Variants in EPHA6 observed in about 807,000 individuals in gnomAD.
EPHA6 encodes EPH receptor A6, also known as ephrin type-A receptor 6.
In EPHA6, 50 loss-of-function variants were observed where a neutral mutation model predicts 112.0. The ratio of observed to expected loss-of-function variants is 0.45; its 90% confidence interval spans 0.36 to 0.56. The LOEUF is 0.56. EPHA6 is among the 20% of genes least tolerant of loss of function. The pLI, the probability that EPHA6 is intolerant of heterozygous loss-of-function variation, is 0.00. For synonymous variants in EPHA6, 529 were observed against 490.7 expected, an observed-to-expected ratio of 1.08 and a Z score of -1.03; for missense variants, 1,280 against 1,417.4, an observed-to-expected ratio of 0.90 and a Z score of 1.56.
At chr3:97,260,214 A>T (rs1489196988) in intron 5 of EPHA6, among the ~76,000 whole-genome samples, 1 of 152,238 alleles carries the variant, frequency 6.6e-6, no homozygotes, top group Admixed American at 6.5e-5. Context: ...GTGGAGCTTT[A>T]CCCTAAAGGA....
At chr3:96,937,392 G>A (rs2040651868) in intron 2 of EPHA6, among the ~76,000 whole-genome samples, 1 of 152,076 alleles carries the variant, frequency 6.6e-6, no homozygotes, top group South Asian at 2.1e-4. Flanking sequence ...TTTTTTGGCT[G>A]CATAAATGTC....
Position 96,814,721 on chromosome 3 carries a change from C to A in EPHA6, c.98C>A (p.Pro33His). The change falls in exon 1 of 18, where the codon CCC becomes CAC. Residue 33 changes from proline (P) to histidine (H), a missense_variant. Pro to His is a moderately conservative substitution (Grantham distance 77). Coordinates refer to ENST00000389672, the MANE Select transcript of EPHA6 (RefSeq NM_001080448.3). The stretch of plus-strand genomic sequence containing the variant: ...GCACCTGCAACTGGGCAGCCTGGAC[C>A]CTCGTGCCCTGTTCCCGGGACCTCG... The part of the protein sequence containing the change: ...AAAPATGQPG[P>H]SCPVPGTSRR... The A allele has an allele frequency of 6.5e-7, 1 of 1,546,590 alleles. No individual in the cohort carries two copies. Among genetic ancestry groups the A allele is most frequent in the Non-Finnish European group, 8.7e-7 (1 of 1,145,832 alleles).
At chr3:97,280,374 ATAT>A (rs1378644666) in intron 5 of EPHA6, among the ~76,000 whole-genome samples, 2 of 152,208 alleles carry the variant, frequency 1.3e-5, no homozygotes, top group Non-Finnish European at 2.9e-5. Context: ...TGCTCAAATA[ATAT>A]TATTATTGCT....
chr3:96,897,285 A>G (rs1231268621), intron 2 of EPHA6, among the ~76,000 whole-genome samples: 3 of 151,850 alleles, frequency 2.0e-5, no homozygotes, highest in African/African-American at 7.3e-5. Flanking sequence ...TGATCTTGCC[A>G]TGTGTCTATT....
At chr3:97,039,977 A>G (rs2045256158) in intron 3 of EPHA6, among the ~76,000 whole-genome samples, 1 of 151,946 alleles carries the variant, frequency 6.6e-6, no homozygotes, top group Non-Finnish European at 1.5e-5. Flanking sequence ...TTAAAACTGG[A>G]CCTATCATCC....
intron 5 of EPHA6, among the ~76,000 whole-genome samples, chr3:97,399,510 A>G (rs1577242708): frequency 6.6e-6 from 1 of 151,646 alleles, no homozygotes; most frequent in Non-Finnish European, 1.5e-5. Flanking sequence ...AAAAGCCTCC[A>G]TACTATTTTT....
chr3:97,677,729 A>G (rs1426947832), intron 14 of EPHA6, among the ~76,000 whole-genome samples: 2 of 151,070 alleles, frequency 1.3e-5, no homozygotes, highest in Non-Finnish European at 3.0e-5. Flanking sequence ...CTTAAAAAAA[A>G]AAAAAAAAAA....
intron 5 of EPHA6, among the ~76,000 whole-genome samples, chr3:97,391,017 A>G (rs1263860880): frequency 1.3e-5 from 2 of 152,148 alleles, no homozygotes; most frequent in African/African-American, 4.8e-5. Flanking sequence ...GAATCATAGC[A>G]TAATGTGTTT....
At chr3:97,202,839 AAAAGT>A (rs1351377591) in intron 3 of EPHA6, among the ~76,000 whole-genome samples, 2 of 152,144 alleles carry the variant, frequency 1.3e-5, no homozygotes, top group African/African-American at 4.8e-5. Flanking sequence ...AATAGCAGTA[AAAAGT>A]AAAGTAAACA....
In EPHA6 at chr3:96,944,581, G is replaced by A. The variant is rs376951338; in HGVS notation, c.451-42749G>A. 6.6e-5 allele frequency among the ~76,000 whole-genome samples: 10 copies of A among 152,254 alleles called. No individual in the cohort carries two copies. The South Asian group carries it at 8.3e-4, about 13-fold the overall frequency. Reference sequence around the variant, plus strand: ...ATATCTAAAACTGAACACCTTGGCCGTGCACAGTGGCTCACGCCTGTAATC... The same window carrying A: ...ATATCTAAAACTGAACACCTTGGCCATGCACAGTGGCTCACGCCTGTAATC... On this transcript the variant is annotated intron_variant, in intron 2 of 17. Coordinates refer to ENST00000389672, the MANE Select transcript of EPHA6 (RefSeq NM_001080448.3).
At chr3:97,230,511 A>G (rs1190136278) in intron 4 of EPHA6, among the ~76,000 whole-genome samples, 1 of 152,168 alleles carries the variant, frequency 6.6e-6, no homozygotes, top group Non-Finnish European at 1.5e-5. Flanking sequence ...AAGCAAAGAA[A>G]GGTTTAATTC....
At chr3:97,130,234 T>C (rs1259585906) in intron 3 of EPHA6, among the ~76,000 whole-genome samples, 1 of 152,138 alleles carries the variant, frequency 6.6e-6, no homozygotes, top group Non-Finnish European at 1.5e-5. Context: ...GTATTCTGGG[T>C]ACCCTTCCTA....
chr3:97,211,640 A>G (rs2077879252), intron 3 of EPHA6, among the ~76,000 whole-genome samples: 1 of 152,160 alleles, frequency 6.6e-6, no homozygotes, highest in African/African-American at 2.4e-5. Flanking sequence ...TTCCATCCTC[A>G]TGAGCTAATC....
At chr3:97,685,943 T>A (rs2032215891) in intron 14 of EPHA6, among the ~76,000 whole-genome samples, 3 of 152,082 alleles carry the variant, frequency 2.0e-5, no homozygotes, top group Non-Finnish European at 4.4e-5. Context: ...TGATGTAAAT[T>A]TTTTGGTAAA....
At chr3:96,992,813 TTTC>T (rs2043265077) in intron 3 of EPHA6, among the ~76,000 whole-genome samples, 2 of 152,208 alleles carry the variant, frequency 1.3e-5, no homozygotes, top group Admixed American at 6.5e-5. Context: ...TTTGTACCCT[TTTC>T]TTCTTTTTCT....
intron 12 of EPHA6, among the ~76,000 whole-genome samples, chr3:97,605,803 A>G (rs961762565): frequency 6.6e-6 from 1 of 151,594 alleles, no homozygotes; most frequent in Non-Finnish European, 1.5e-5. Context: ...TTTGATGGGA[A>G]TAACATTGAA....
chr3:97,036,944 G>A (rs1038419968), intron 3 of EPHA6, among the ~76,000 whole-genome samples: 2 of 151,758 alleles, frequency 1.3e-5, no homozygotes, highest in African/African-American at 2.4e-5. Context: ...TATGTGACTC[G>A]CCGACCCCTG....
At chr3:96,864,823 A>G (rs2036213769) in intron 1 of EPHA6, among the ~76,000 whole-genome samples, 1 of 152,136 alleles carries the variant, frequency 6.6e-6, no homozygotes, top group Admixed American at 6.6e-5. Context: ...AAATGAGACA[A>G]TAAAGAATAT....
At chr3:97,341,326 G>T (rs138209028) in intron 5 of EPHA6, among the ~76,000 whole-genome samples, 5 of 152,026 alleles carry the variant, frequency 3.3e-5, no homozygotes, top group Non-Finnish European at 1.5e-5. Flanking sequence ...GGAGTCTCTT[G>T]TTATGCTATG....
Sources: allele counts gnomAD v4.1 joint callset (sites outside exome capture counted in the v4.1 genomes callset), GRCh38; gene constraint gnomAD v4.1.1; transcripts MANE v1.5; gene names NCBI Gene and HGNC (gene_info 2026-07-23, HGNC 2026-07-21).